PARVA: variants seen among roughly 807,000 people sequenced by gnomAD.
PARVA encodes the protein parvin alpha, also known as alpha-parvin.
Under a neutral mutation model 52.6 loss-of-function variants are expected in PARVA, and 25 were observed. That is an observed-to-expected ratio of 0.48 (90% CI 0.35 to 0.66). The LOEUF (loss-of-function observed/expected upper bound fraction) is 0.66, where lower values mean the gene tolerates loss of function less well. PARVA is among the 30% of genes least tolerant of loss of function. PARVA has a pLI of 0.01. For synonymous variants in PARVA, 185 were observed against 179.1 expected (o/e 1.03, Z -0.26); for missense variants, 373 against 450.9 (o/e 0.83, Z 1.56).
intron 6 of PARVA, among the ~76,000 whole-genome samples, chr11:12,507,888 C>G (rs1941451834): frequency 6.6e-6 from 1 of 151,902 alleles, no homozygotes; most frequent in African/African-American, 2.4e-5. Context: ...TGTTCTAACT[C>G]CAGCACAGGG....
chr11:12,396,275 TC>T (rs1226235277), intron 1 of PARVA, among the ~76,000 whole-genome samples: 2 of 152,258 alleles, frequency 1.3e-5, no homozygotes, highest in African/African-American at 4.8e-5. Context: ...TTTTCATTCA[TC>T]AATAATAATT....
At chr11:12,379,566 T>TC (rs1177936134) in intron 1 of PARVA, among the ~76,000 whole-genome samples, 1 of 151,766 alleles carries the variant, frequency 6.6e-6, no homozygotes, top group Non-Finnish European at 1.5e-5. Flanking sequence ...CAACTTCTCT[T>TC]CCCCCCTAAA....
intron 1 of PARVA, among the ~76,000 whole-genome samples, chr11:12,387,182 G>A (rs1436699641): frequency 6.6e-6 from 1 of 152,230 alleles, no homozygotes; most frequent in Non-Finnish European, 1.5e-5. Flanking sequence ...TAAAAAGTAT[G>A]TGTAAACACA....
chr11:12,462,021 TA>T (rs1442807786), intron 1 of PARVA, among the ~76,000 whole-genome samples: 1 of 152,158 alleles, frequency 6.6e-6, no homozygotes, highest in African/African-American at 2.4e-5. Flanking sequence ...TCCTTTTAGT[TA>T]AATGTAGTAA....
At chr11:12,405,225 G>T (rs1283443101) in intron 1 of PARVA, among the ~76,000 whole-genome samples, 2 of 152,198 alleles carry the variant, frequency 1.3e-5, no homozygotes, top group Non-Finnish European at 2.9e-5. Context: ...CCAGGAATCA[G>T]ATTTTTGATG....
At chr11:12,422,945 TC>T (rs965418971) in intron 1 of PARVA, among the ~76,000 whole-genome samples, 1 of 152,126 alleles carries the variant, frequency 6.6e-6, no homozygotes, top group African/African-American at 2.4e-5. Flanking sequence ...AACCTCCACC[TC>T]CCGGTTCAAG....
At chr11:12,507,985 T>C (rs548577906) in intron 6 of PARVA, among the ~76,000 whole-genome samples, 2 of 150,744 alleles carry the variant, frequency 1.3e-5, no homozygotes, top group Non-Finnish European at 3.0e-5. Flanking sequence ...GATGGATGGA[T>C]GGATGGACGG....
intron 1 of PARVA, among the ~76,000 whole-genome samples, chr11:12,399,864 G>A (rs549465082): frequency 6.6e-6 from 1 of 152,056 alleles, no homozygotes; most frequent in Non-Finnish European, 1.5e-5. Flanking sequence ...TATGTTTTCA[G>A]TTATTTGCTG....
intron 1 of PARVA, among the ~76,000 whole-genome samples, chr11:12,399,323 G>C (rs1347782761): frequency 6.6e-6 from 1 of 152,184 alleles, no homozygotes; most frequent in African/African-American, 2.4e-5. Flanking sequence ...ACCTACAGCA[G>C]AGGGGCAGTT....
chr11:12,521,712 A>G (rs1231820483), intron 12 of PARVA, among the ~76,000 whole-genome samples: 2 of 152,190 alleles, frequency 1.3e-5, no homozygotes, highest in African/African-American at 4.8e-5. Flanking sequence ...GGTCCTTATT[A>G]TAAGTCGAAG....
chr11:12,410,774 CA>C (rs1454621596), intron 1 of PARVA, among the ~76,000 whole-genome samples: 2 of 152,196 alleles, frequency 1.3e-5, no homozygotes, highest in Non-Finnish European at 2.9e-5. Flanking sequence ...CTATGGCTTT[CA>C]GTGTTAAAAA....
intron 1 of PARVA, among the ~76,000 whole-genome samples, chr11:12,444,997 T>C (rs2135008173): frequency 6.6e-6 from 1 of 152,256 alleles, no homozygotes; most frequent in Non-Finnish European, 1.5e-5. Context: ...AAGTAGGCAG[T>C]GGTCTAGGGG....
chr11:12,503,810 G>T (rs1205233024), intron 5 of PARVA, among the ~76,000 whole-genome samples: 4 of 152,176 alleles, frequency 2.6e-5, no homozygotes, highest in Non-Finnish European at 5.9e-5. Context: ...CTCAGGCATG[G>T]TATAAAGGGA....
At chr11:12,525,937 G>GT in intron 12 of PARVA, among the ~76,000 whole-genome samples, 1 of 152,110 alleles carries the variant, frequency 6.6e-6, no homozygotes. Context: ...ACCTAAGGAG[G>GT]TTCCCCCAAG....
At chr11:12,489,261 G>A (rs934541968) in intron 4 of PARVA, among the ~76,000 whole-genome samples, 7 of 151,658 alleles carry the variant, frequency 4.6e-5, no homozygotes, top group Admixed American at 1.3e-4. Context: ...ACTTAAAAAT[G>A]ATAAAAGAAC....
rs1433120459 is a variant in PARVA, at chr11:12,523,633, A to C, written c.1043-4216A>C. 3.3e-5 allele frequency among the ~76,000 whole-genome samples: 5 copies of C among 152,076 alleles called. No homozygotes were observed. In the South Asian group the frequency reaches 6.2e-4, roughly 19 times the overall value. On this transcript the variant is annotated intron_variant, in intron 12 of 12. Coordinates refer to ENST00000334956, the MANE Select transcript of PARVA (RefSeq NM_018222.5). ...CTAATACCTCTGGGGGGGAGGAGCA[A>C]ACAATGAGCCCTTTCCCCTTGGCCA...
intron 1 of PARVA, among the ~76,000 whole-genome samples, chr11:12,460,721 T>G (rs1940765236): frequency 6.6e-6 from 1 of 152,124 alleles, no homozygotes; most frequent in African/African-American, 2.4e-5. Flanking sequence ...ACTGAGCCAC[T>G]GCAAAAATAA....
At chr11:12,527,141 G>T (rs544561541) in intron 12 of PARVA, among the ~76,000 whole-genome samples, 1 of 152,316 alleles carries the variant, frequency 6.6e-6, no homozygotes, top group East Asian at 1.9e-4. Flanking sequence ...GGTTTAGTAA[G>T]ATACACTAAA....
chr11:12,493,212 T>A (rs1941253975), intron 4 of PARVA, among the ~76,000 whole-genome samples: 1 of 151,702 alleles, frequency 6.6e-6, no homozygotes, highest in Admixed American at 6.6e-5. Context: ...AAAAATTAGC[T>A]GGGCGTGGTG....
Sources: gnomAD v4.1 joint callset for allele counts (sites outside exome capture counted in the v4.1 genomes callset) on GRCh38, gnomAD v4.1.1 for gene constraint, MANE v1.5 for transcripts, NCBI Gene and HGNC (gene_info 2026-07-23, HGNC 2026-07-21) for gene names.